KDELR2: variants seen among roughly 807,000 people sequenced by gnomAD.
KDELR2 encodes ER lumen protein-retaining receptor 2.
Under a neutral mutation model 23.9 loss-of-function variants are expected in KDELR2, and 15 were observed. That is an observed-to-expected ratio of 0.63 (90% confidence interval 0.42 to 0.97). The LOEUF (loss-of-function observed/expected upper bound fraction) is 0.97. Ranked by LOEUF, KDELR2 falls within the 50% of genes least tolerant of loss-of-function variation. KDELR2 has a pLI of 0.00. For synonymous variants in KDELR2, 119 were observed against 106.2 expected (o/e 1.12, Z -0.74); for missense variants, 272 against 254.6 (o/e 1.07, Z -0.46).
rs1206035683 is a variant in KDELR2, at chr7:6,473,082, A to ATTTT, written c.192+1098_192+1101dup. The stretch of plus-strand genomic sequence containing the variant: ...GCCACCATGCCTGGCTAATTTTTGT[A>ATTTT]TTTTTTTTTTTTTTTTTTTTTTAGA... On this transcript the variant is annotated intron_variant, in intron 2 of 4. Transcript: ENST00000258739. Among the ~76,000 whole-genome samples, 126 of 94,852 alleles carry ATTTT rather than the reference A, an allele frequency of 1.3e-3. 3 individuals are homozygous for ATTTT. Among genetic ancestry groups the ATTTT allele is most frequent in the South Asian group, 2.2e-3 (6 of 2,696 alleles). The allele number at this position is 94,852 out of a possible 152,430, so 62.2% of individuals were successfully genotyped here.
rs1445954490 is a variant in KDELR2, at chr7:6,462,369, A to T, written c.*772T>A. 6.6e-6 allele frequency: 1 copy of T among 152,630 alleles called. No individual in the cohort carries two copies. The highest frequency in any genetic ancestry group is 2.4e-5 in the African/African-American group (1 of 41,446). The allele number at this position is 152,630 out of a possible 1,614,324, so 9.5% of individuals were successfully genotyped here. ...CCAAATGATCATGAACACCCCTCCC[A>T]TCCCACACTCAGATGGAAAGCAGCC... On this transcript the variant is annotated 3_prime_UTR_variant, in exon 5 of 5. Transcript: ENST00000258739.
At chr7:6,469,538 T>C in intron 3 of KDELR2, 58 bp downstream of exon 3, 1 of 1,547,028 alleles carries the variant, frequency 6.5e-7, no homozygotes, top group Non-Finnish European at 8.8e-7. Flanking sequence ...CCTCCCAAAA[T>C]GCTGGGATTA....
rs143204239 is a variant in KDELR2 at position 6,466,204 on chromosome 7, G to C, written c.471C>G (p.Leu157=). Residue 157 remains leucine, a synonymous_variant, in exon 4 of 5, where the codon CTC becomes CTG. Coordinates refer to ENST00000258739, the MANE Select transcript of KDELR2 (RefSeq NM_006854.4). ...AGTTGACAAGATACAAAGCACGATA[G>C]AGGCCCAGGAAGAACAGGTAGTGGG... ...ITTHYLFFLG[L]YRALYLVNWI... 6.2e-6 allele frequency: 10 copies of C among 1,614,084 alleles called. No homozygotes were observed. In the African/African-American group the frequency reaches 1.1e-4, roughly 17 times the overall value.
chr7:6,462,066 C>G lies in KDELR2; in HGVS notation c.*1075G>C, dbSNP rs957476606. ...TGTTTTTTAGGATGGTAACATAAGT[C>G]ATGCAACAGCTCTGTAAAACAAAAC... On this transcript the variant is annotated 3_prime_UTR_variant, in exon 5 of 5. Coordinates refer to ENST00000258739, the MANE Select transcript of KDELR2 (RefSeq NM_006854.4). 6.6e-6 allele frequency: 1 copy of G among 152,018 alleles called. No homozygotes were observed. The highest frequency in any genetic ancestry group is 2.4e-5 in the African/African-American group (1 of 41,396). 9.4% of individuals were successfully genotyped at this position (152,018 alleles called of 1,614,324 possible).
At chr7:6,463,264 C>A (rs1238034774) in intron 4 of KDELR2, 89 bp from the exon 5 acceptor site, 1 of 994,566 alleles carries the variant, frequency 1.0e-6, no homozygotes, top group South Asian at 1.5e-5. Flanking sequence ...AAGTCTCCCA[C>A]ACACAAGATT....
chr7:6,468,755 C>T (rs1193348581), intron 3 of KDELR2, among the ~76,000 whole-genome samples: 1 of 152,162 alleles, frequency 6.6e-6, no homozygotes, highest in East Asian at 1.9e-4. Flanking sequence ...CCACCTGCCT[C>T]AGCCTCCCAA....
chr7:6,469,559 C>T (rs774218167), intron 3 of KDELR2, 37 bp downstream of exon 3: 3 of 1,591,702 alleles, frequency 1.9e-6, no homozygotes, highest in Non-Finnish European at 2.6e-6. Flanking sequence ...CAGGCATGAG[C>T]CACCATGCCT....
chr7:6,478,062 C>G (rs1785792521), intron 1 of KDELR2, among the ~76,000 whole-genome samples: 1 of 152,188 alleles, frequency 6.6e-6, no homozygotes, highest in Non-Finnish European at 1.5e-5. Flanking sequence ...TACGTATCTA[C>G]TAACACGAAA....
intron 1 of KDELR2, among the ~76,000 whole-genome samples, chr7:6,479,863 G>GT (rs1785851144): frequency 6.6e-6 from 1 of 152,256 alleles, no homozygotes; most frequent in Non-Finnish European, 1.5e-5. Context: ...ATAAATGAGA[G>GT]TAATGATTAC....
At chr7:6,475,301 C>T (rs1464610227) in intron 1 of KDELR2, among the ~76,000 whole-genome samples, 1 of 152,138 alleles carries the variant, frequency 6.6e-6, no homozygotes, top group East Asian at 1.9e-4. Flanking sequence ...GTGGCACACA[C>T]CTGTGGTCCC....
chr7:6,468,435 TCTC>T (rs1453674303), intron 3 of KDELR2, among the ~76,000 whole-genome samples: 2 of 152,128 alleles, frequency 1.3e-5, no homozygotes, highest in African/African-American at 4.8e-5. Flanking sequence ...TTTAAGTGGT[TCTC>T]CTGCCTCAGC....
At chr7:6,470,643 C>T (rs1382511271) in intron 2 of KDELR2, among the ~76,000 whole-genome samples, 1 of 152,018 alleles carries the variant, frequency 6.6e-6, no homozygotes, top group Admixed American at 6.6e-5. Context: ...AGTGAGCCTG[C>T]TATATTTGTT....
chr7:6,472,242 C>T (rs1785662169), intron 2 of KDELR2, among the ~76,000 whole-genome samples: 1 of 152,240 alleles, frequency 6.6e-6, no homozygotes, highest in South Asian at 2.1e-4. Context: ...AGAGGCCTCT[C>T]ACCAGGACCT....
At chr7:6,467,537 G>C (rs886732351) in intron 3 of KDELR2, among the ~76,000 whole-genome samples, 1 of 152,120 alleles carries the variant, frequency 6.6e-6, no homozygotes, top group Non-Finnish European at 1.5e-5. Flanking sequence ...GAGACAGGCA[G>C]ATCACCTGAG....
chr7:6,474,915 G>C (rs1298776780), intron 1 of KDELR2, among the ~76,000 whole-genome samples: 2 of 152,300 alleles, frequency 1.3e-5, no homozygotes, highest in Middle Eastern at 3.4e-3. Flanking sequence ...TGGCATTACA[G>C]GTATGAGCCA....
chr7:6,484,063 C>T lies in KDELR2; in HGVS notation c.-6G>A. The T allele has an allele frequency of 2.7e-6, 4 of 1,492,896 alleles. No homozygotes were observed. The highest frequency in any genetic ancestry group is 2.9e-5 in the East Asian group (1 of 34,238). 92.5% of individuals were successfully genotyped at this position (1,492,896 alleles called of 1,614,324 possible). A position where few individuals can be genotyped will look rare whatever the true frequency, so the allele number is the denominator to read the frequency against. On this transcript the variant is annotated 5_prime_UTR_variant, in exon 1 of 5. Transcript: ENST00000258739. ...GTCAGCCGGAAAATGTTCATGGCGGCGGCGGCGGTGGCGGTCGGCGCAGCG... is the reference window on the plus strand; with the variant it reads ...GTCAGCCGGAAAATGTTCATGGCGGTGGCGGCGGTGGCGGTCGGCGCAGCG...
intron 4 of KDELR2, 50 bp downstream of exon 4, chr7:6,466,021 C>G: frequency 6.3e-7 from 1 of 1,597,380 alleles, no homozygotes; most frequent in Non-Finnish European, 8.6e-7. Context: ...CAAGGGCACT[C>G]CTAAAAGAAC....
chr7:6,477,601 A>G (rs562867194), intron 1 of KDELR2, among the ~76,000 whole-genome samples: 2 of 152,366 alleles, frequency 1.3e-5, no homozygotes, highest in Non-Finnish European at 2.9e-5. Flanking sequence ...TTAAATGGAA[A>G]TCAGTCATTA....
intron 2 of KDELR2, among the ~76,000 whole-genome samples, chr7:6,471,861 T>A (rs1329347022): frequency 6.6e-6 from 1 of 152,098 alleles, no homozygotes. Flanking sequence ...GGGTATGTAC[T>A]TAGGGGTGGG....
Sources: gnomAD v4.1 joint callset for allele counts (sites outside exome capture counted in the v4.1 genomes callset) on GRCh38, gnomAD v4.1.1 for gene constraint, MANE v1.5 for transcripts, NCBI Gene and HGNC (gene_info 2026-07-23, HGNC 2026-07-21) for gene names.